AGBL4: variants seen among roughly 807,000 people sequenced by gnomAD.
AGBL4 encodes the protein AGBL carboxypeptidase 4.
AGBL4 carries 58 observed loss-of-function variants against 66.4 expected under a neutral mutation model. That is an observed-to-expected ratio of 0.87 (90% CI 0.71 to 1.09). The LOEUF is 1.09. Ranked by LOEUF, AGBL4 falls within the 50% of genes least tolerant of loss-of-function variation. The pLI, the probability that AGBL4 is intolerant of heterozygous loss-of-function variation, is 0.00. For synonymous variants in AGBL4, 234 were observed against 222.9 expected (o/e 1.05, Z -0.44); for missense variants, 579 against 631.0 (o/e 0.92, Z 0.88).
chr1:49,134,929 G>T (rs2148077362), intron 4 of AGBL4, among the ~76,000 whole-genome samples: 1 of 152,032 alleles, frequency 6.6e-6, no homozygotes, highest in East Asian at 1.9e-4. Flanking sequence ...CCTCCGTTTG[G>T]GGTCCCTGAC....
intron 3 of AGBL4, among the ~76,000 whole-genome samples, chr1:49,539,972 T>C (rs1406486129): frequency 6.6e-6 from 1 of 152,128 alleles, no homozygotes; most frequent in Non-Finnish European, 1.5e-5. Flanking sequence ...CTAGGAAGTA[T>C]GGTTAAAAAA....
intron 1 of AGBL4, among the ~76,000 whole-genome samples, chr1:49,934,472 C>A (rs918696638): frequency 7.9e-5 from 12 of 152,082 alleles, no homozygotes; most frequent in African/African-American, 2.4e-4. Flanking sequence ...TATACCACAA[C>A]TGGTATAAAA....
At chr1:48,584,312 C>T (rs1367179307) in intron 11 of AGBL4, 1 of 152,180 alleles carries the variant, frequency 6.6e-6, no homozygotes, top group African/African-American at 2.4e-5. Context: ...TGAAGTCCTT[C>T]AGCCCTAAGG....
intron 3 of AGBL4, among the ~76,000 whole-genome samples, chr1:49,589,325 G>A (rs1644709747): frequency 6.6e-6 from 1 of 152,046 alleles, no homozygotes; most frequent in Non-Finnish European, 1.5e-5. Context: ...AACTGGAGAA[G>A]CAACACTGTG....
chr1:49,365,674 G>A (rs1644228946), intron 3 of AGBL4, among the ~76,000 whole-genome samples: 1 of 151,972 alleles, frequency 6.6e-6, no homozygotes, highest in South Asian at 2.1e-4. Context: ...TCCTGTGGGT[G>A]ATAATTATGA....
chr1:49,321,723 C>T (rs149076904), intron 3 of AGBL4, among the ~76,000 whole-genome samples: 93 of 152,296 alleles, frequency 6.1e-4, no homozygotes, highest in Non-Finnish European at 1.2e-3. Context: ...TATGTTCATA[C>T]GATGGAATAA....
chr1:48,619,516 C>T (rs933375504), intron 9 of AGBL4, among the ~76,000 whole-genome samples: 1 of 152,128 alleles, frequency 6.6e-6, no homozygotes, highest in African/African-American at 2.4e-5. Context: ...CAGCATTTTC[C>T]CCCTTCCGCT....
chr1:48,805,866 C>G (rs918443472), intron 6 of AGBL4, among the ~76,000 whole-genome samples: 1 of 152,170 alleles, frequency 6.6e-6, no homozygotes, highest in African/African-American at 2.4e-5. Flanking sequence ...AGAATATTCT[C>G]TAAGGGCTGT....
chr1:49,219,908 G>A (rs1649363869), intron 4 of AGBL4, among the ~76,000 whole-genome samples: 2 of 151,978 alleles, frequency 1.3e-5, no homozygotes, highest in South Asian at 4.1e-4. Context: ...TTTTGTTTAG[G>A]TAATAAAAGG....
chr1:49,312,890 C>CT (rs553935259), intron 3 of AGBL4, among the ~76,000 whole-genome samples: 1 of 151,974 alleles, frequency 6.6e-6, no homozygotes. Flanking sequence ...TTTTTACATA[C>CT]TTTTTTTATG....
chr1:49,288,243 T>A (rs1002311105), intron 3 of AGBL4, among the ~76,000 whole-genome samples: 3 of 142,508 alleles, frequency 2.1e-5, no homozygotes, highest in South Asian at 2.5e-4. Flanking sequence ...AGGGATAGCA[T>A]TGGGAGATAT....
intron 4 of AGBL4, among the ~76,000 whole-genome samples, chr1:49,235,930 C>G (rs536119991): frequency 3.2e-4 from 49 of 152,240 alleles, no homozygotes; most frequent in African/African-American, 1.2e-3. Context: ...TATATTATCT[C>G]CACCACCCTA....
intron 3 of AGBL4, among the ~76,000 whole-genome samples, chr1:49,511,623 T>A (rs1167293): frequency 0.64 from 96,553 of 151,058 alleles, 31,320 homozygotes; most frequent in Middle Eastern, 0.69. Flanking sequence ...AATTTTTTTT[T>A]AAAAAAATTG....
chr1:50,003,995 T>A (rs1272688993), intron 1 of AGBL4, among the ~76,000 whole-genome samples: 1 of 152,190 alleles, frequency 6.6e-6, no homozygotes, highest in Non-Finnish European at 1.5e-5. Flanking sequence ...TGTACCTGGT[T>A]TTAATTTCCT....
At chr1:49,531,125 G>A (rs1651109974) in intron 3 of AGBL4, among the ~76,000 whole-genome samples, 1 of 152,054 alleles carries the variant, frequency 6.6e-6, no homozygotes, top group East Asian at 1.9e-4. Context: ...TCAAGTTAGA[G>A]GATTTTGGTA....
intron 2 of AGBL4, among the ~76,000 whole-genome samples, chr1:49,799,676 T>A (rs1644812917): frequency 6.6e-6 from 1 of 152,102 alleles, no homozygotes; most frequent in African/African-American, 2.4e-5. Context: ...CTTGATGGCA[T>A]CATCAAGACA....
chr1:49,718,206 C>T (rs1310119313), intron 2 of AGBL4, among the ~76,000 whole-genome samples: 1 of 152,022 alleles, frequency 6.6e-6, no homozygotes, highest in East Asian at 1.9e-4. Context: ...GCATTATCCC[C>T]TTGGTGAGAA....
intron 4 of AGBL4, among the ~76,000 whole-genome samples, chr1:49,205,542 G>C (rs1648065907): frequency 6.6e-6 from 1 of 151,990 alleles, no homozygotes; most frequent in African/African-American, 2.4e-5. Flanking sequence ...AAGTGGTGTG[G>C]GAGTGTAAGT....
At chr1:49,036,791 G>A (rs1399710921) in intron 5 of AGBL4, among the ~76,000 whole-genome samples, 2 of 150,296 alleles carry the variant, frequency 1.3e-5, no homozygotes, top group Non-Finnish European at 2.9e-5. Flanking sequence ...TGAACTCTTG[G>A]CCTCAAGCAA....
Sources: gnomAD v4.1 joint callset for allele counts (sites outside exome capture counted in the v4.1 genomes callset) on GRCh38, gnomAD v4.1.1 for gene constraint, MANE v1.5 for transcripts, NCBI Gene and HGNC (gene_info 2026-07-23, HGNC 2026-07-21) for gene names.